Variants in NKAIN3 observed in about 807,000 individuals in gnomAD.
NKAIN3 encodes the protein sodium/potassium-transporting ATPase subunit beta-1-interacting protein 3.
A neutral mutation model predicts 30.2 loss-of-function variants in NKAIN3; 25 were observed. The ratio of observed to expected loss-of-function variants is 0.83; its 90% confidence interval spans 0.60 to 1.16. NKAIN3 has a LOEUF of 1.16. Ranked by LOEUF, NKAIN3 falls within the 50% of genes most tolerant of loss-of-function variation. The pLI is 0.00. For synonymous variants in NKAIN3, 91 were observed against 89.6 expected (o/e 1.02, Z -0.09); for missense variants, 225 against 254.1 (o/e 0.89, Z 0.78).
In NKAIN3 at chr8:62,288,703, C is replaced by T. The variant is rs536016346; in HGVS notation, c.54+39576C>T. Among the ~76,000 whole-genome samples the T allele has an allele frequency of 1.2e-4, 18 of 152,240 alleles. No homozygotes were observed. In the East Asian group the frequency reaches 3.3e-3, roughly 28 times the overall value. On this transcript the variant is annotated intron_variant, in intron 1 of 6. Coordinates refer to ENST00000623646, the MANE Select transcript of NKAIN3 (RefSeq NM_001304533.3). ...TGTGAATAGTGCCGCAATAAACATA[C>T]GTGTGCATGTGTCTTTATAGCAGCA...
intron 3 of NKAIN3, among the ~76,000 whole-genome samples, chr8:62,652,313 G>T (rs144363316): frequency 6.6e-6 from 1 of 151,986 alleles, no homozygotes; most frequent in East Asian, 1.9e-4. Context: ...AATAACTTTT[G>T]GCCTTTAATA....
intron 4 of NKAIN3, among the ~76,000 whole-genome samples, chr8:62,847,021 C>T (rs1205419106): frequency 6.6e-6 from 1 of 152,056 alleles, no homozygotes; most frequent in Admixed American, 6.6e-5. Context: ...TCCATCTGTC[C>T]CTGCCCTTGA....
chr8:62,875,056 A>G (rs865944459), intron 4 of NKAIN3, among the ~76,000 whole-genome samples: 1 of 152,198 alleles, frequency 6.6e-6, no homozygotes. Context: ...ATGATTTTAT[A>G]TTTAGAAAAC....
At chr8:62,425,994 G>A (rs1490237210) in intron 1 of NKAIN3, among the ~76,000 whole-genome samples, 1 of 151,902 alleles carries the variant, frequency 6.6e-6, no homozygotes. Flanking sequence ...TTAACATCCT[G>A]TCTACTTTAA....
At chr8:62,495,182 A>G (rs548179770) in intron 1 of NKAIN3, among the ~76,000 whole-genome samples, 3 of 152,100 alleles carry the variant, frequency 2.0e-5, no homozygotes, top group African/African-American at 7.2e-5. Context: ...TAACTATGTC[A>G]TGACCAATTT....
At chr8:62,715,187 G>T (rs1042197050) in intron 3 of NKAIN3, among the ~76,000 whole-genome samples, 14 of 152,128 alleles carry the variant, frequency 9.2e-5, no homozygotes, top group Non-Finnish European at 1.6e-4. Context: ...CCACCCCCAT[G>T]ATCCAGTAAC....
intron 3 of NKAIN3, among the ~76,000 whole-genome samples, chr8:62,617,357 G>A (rs1477035118): frequency 3.3e-5 from 5 of 152,158 alleles, no homozygotes; most frequent in Non-Finnish European, 7.3e-5. Context: ...GCACAGATAT[G>A]TACGTTTTTA....
At chr8:62,439,221 A>G (rs934591535) in intron 1 of NKAIN3, among the ~76,000 whole-genome samples, 7 of 152,334 alleles carry the variant, frequency 4.6e-5, no homozygotes, top group African/African-American at 1.7e-4. Flanking sequence ...GAACAAGGGT[A>G]TGAGCCTGAG....
At chr8:62,778,748 A>C (rs1817264737) in intron 4 of NKAIN3, among the ~76,000 whole-genome samples, 1 of 151,250 alleles carries the variant, frequency 6.6e-6, no homozygotes, top group South Asian at 2.1e-4. Flanking sequence ...AGTCCCCTTT[A>C]CTCTTCCCTC....
At chr8:62,652,491 T>C (rs1812653432) in intron 3 of NKAIN3, among the ~76,000 whole-genome samples, 1 of 152,196 alleles carries the variant, frequency 6.6e-6, no homozygotes, top group Non-Finnish European at 1.5e-5. Context: ...TTTAGAATTA[T>C]AAGAAAAGTT....
At chr8:62,351,060 T>C (rs1480139711) in intron 1 of NKAIN3, among the ~76,000 whole-genome samples, 1 of 149,156 alleles carries the variant, frequency 6.7e-6, no homozygotes, top group African/African-American at 2.5e-5. Context: ...AAAACAGATA[T>C]AAAATTAAAA....
At chr8:62,347,831 A>G (rs2129591541) in intron 1 of NKAIN3, among the ~76,000 whole-genome samples, 1 of 152,234 alleles carries the variant, frequency 6.6e-6, no homozygotes, top group Non-Finnish European at 1.5e-5. Flanking sequence ...AGAGCTACTC[A>G]TTCTTCATTT....
chr8:62,432,129 C>G (rs1420611346), intron 1 of NKAIN3, among the ~76,000 whole-genome samples: 3 of 151,932 alleles, frequency 2.0e-5, no homozygotes, highest in East Asian at 3.9e-4. Context: ...AGAAAAATCA[C>G]TCAAAATAAT....
intron 6 of NKAIN3, among the ~76,000 whole-genome samples, chr8:62,960,735 G>GCACA (rs113227908): frequency 0.024 from 3,586 of 148,516 alleles, 61 homozygotes; most frequent in South Asian, 0.035. Context: ...CAGGAAAAAA[G>GCACA]CACACACACA....
intron 1 of NKAIN3, among the ~76,000 whole-genome samples, chr8:62,364,395 C>CT (rs11383006): frequency 0.97 from 147,562 of 152,228 alleles, 71,578 homozygotes; most frequent in East Asian, 1. Flanking sequence ...AAATCTGATC[C>CT]TAAAGGATGT....
intron 1 of NKAIN3, among the ~76,000 whole-genome samples, chr8:62,408,272 C>G (rs889880169): frequency 2.0e-5 from 3 of 151,992 alleles, no homozygotes; most frequent in African/African-American, 7.3e-5. Flanking sequence ...TCAACACTTT[C>G]AAAATATATT....
intron 4 of NKAIN3, among the ~76,000 whole-genome samples, chr8:62,814,033 T>G (rs1436019716): frequency 3.3e-5 from 5 of 152,070 alleles, no homozygotes; most frequent in Non-Finnish European, 7.4e-5. Context: ...TTCCCTTACA[T>G]GTGACTTGAT....
intron 1 of NKAIN3, among the ~76,000 whole-genome samples, chr8:62,548,529 C>A (rs1291284234): frequency 6.6e-6 from 1 of 152,030 alleles, no homozygotes; most frequent in African/African-American, 2.4e-5. Flanking sequence ...TGTCCAGGCA[C>A]CACAGAGTCC....
intron 1 of NKAIN3, among the ~76,000 whole-genome samples, chr8:62,325,656 C>CT (rs528497199): frequency 4.1e-4 from 62 of 152,094 alleles, no homozygotes; most frequent in Middle Eastern, 3.4e-3. Context: ...TGTTTTTTGA[C>CT]TTTTTAATTA....
Sources: gnomAD v4.1 joint callset for allele counts (sites outside exome capture counted in the v4.1 genomes callset) on GRCh38, gnomAD v4.1.1 for gene constraint, MANE v1.5 for transcripts, NCBI Gene and HGNC (gene_info 2026-07-23, HGNC 2026-07-21) for gene names.